DGKI: variants seen among roughly 807,000 people sequenced by gnomAD.
DGKI encodes diacylglycerol kinase iota.
DGKI carries 55 observed loss-of-function variants against 147.5 expected under a neutral mutation model. The ratio of observed to expected loss-of-function variants is 0.37; its 90% CI spans 0.30 to 0.47. The LOEUF is 0.47. Among genes scored for constraint, DGKI ranks in the 20% least tolerant of loss-of-function variants. DGKI has a pLI of 1.00. For missense variants in DGKI, 1,007 were observed against 1,323.8 expected (o/e 0.76, Z 3.71); for synonymous variants, 469 against 477.1 (o/e 0.98, Z 0.22).
chr7:137,647,044 C>T (rs1199762976), intron 5 of DGKI, among the ~76,000 whole-genome samples: 5 of 152,192 alleles, frequency 3.3e-5, no homozygotes, highest in Non-Finnish European at 7.3e-5. Flanking sequence ...GTTTGTCTCA[C>T]TTTTCCTACT....
intron 6 of DGKI, among the ~76,000 whole-genome samples, chr7:137,638,054 G>A (rs1008427161): frequency 6.6e-6 from 1 of 152,124 alleles, no homozygotes; most frequent in African/African-American, 2.4e-5. Flanking sequence ...TTAATAAAGA[G>A]ACAAACGGTA....
chr7:137,427,972 A>G (rs1300376310), intron 28 of DGKI, among the ~76,000 whole-genome samples: 1 of 151,132 alleles, frequency 6.6e-6, no homozygotes, highest in African/African-American at 2.4e-5. Flanking sequence ...TACCAGAGGT[A>G]CAAGGAGGAA....
At chr7:137,451,793 C>T (rs910226071) in intron 27 of DGKI, among the ~76,000 whole-genome samples, 4 of 152,126 alleles carry the variant, frequency 2.6e-5, no homozygotes, top group Non-Finnish European at 4.4e-5. Flanking sequence ...ATACAATATC[C>T]TTTTCATTTC....
At chr7:137,493,791 G>A in intron 21 of DGKI, 2 of 702,044 alleles carry the variant, frequency 2.8e-6, no homozygotes, top group Non-Finnish European at 5.2e-6. Context: ...ACCTCCAAAT[G>A]ACTGCACTAG....
At chr7:137,763,121 C>T (rs1795910234) in intron 1 of DGKI, among the ~76,000 whole-genome samples, 1 of 152,222 alleles carries the variant, frequency 6.6e-6, no homozygotes, top group African/African-American at 2.4e-5. Context: ...GTTAGGTACT[C>T]ATTCACTCAA....
chr7:137,614,765 G>A (rs895846004), intron 8 of DGKI, among the ~76,000 whole-genome samples: 19 of 151,954 alleles, frequency 1.3e-4, no homozygotes, highest in African/African-American at 3.4e-4. Context: ...TGAAATATGC[G>A]GTTTAATTCC....
intron 6 of DGKI, among the ~76,000 whole-genome samples, chr7:137,643,574 T>G (rs1210556805): frequency 6.6e-6 from 1 of 152,114 alleles, no homozygotes; most frequent in Non-Finnish European, 1.5e-5. Context: ...ACTATAATAG[T>G]GCAATATTTT....
At chr7:137,623,022 T>C (rs1365356464) in intron 7 of DGKI, among the ~76,000 whole-genome samples, 4 of 152,202 alleles carry the variant, frequency 2.6e-5, no homozygotes, top group African/African-American at 9.6e-5. Flanking sequence ...AAATAAAAAG[T>C]CATGCACATT....
intron 1 of DGKI, among the ~76,000 whole-genome samples, chr7:137,747,564 T>C (rs1434573893): frequency 6.6e-6 from 1 of 152,244 alleles, no homozygotes; most frequent in Non-Finnish European, 1.5e-5. Flanking sequence ...CCAAAAATTC[T>C]GTAACGGGGT....
At chr7:137,694,237 C>T (rs919995596) in intron 1 of DGKI, among the ~76,000 whole-genome samples, 4 of 151,340 alleles carry the variant, frequency 2.6e-5, no homozygotes, top group African/African-American at 9.7e-5. Context: ...AAGAGAATGG[C>T]ATGAACCCCA....
At chr7:137,564,161 G>GA (rs1180660788) in intron 19 of DGKI, among the ~76,000 whole-genome samples, 2 of 152,104 alleles carry the variant, frequency 1.3e-5, no homozygotes, top group Non-Finnish European at 2.9e-5. Context: ...AATAGTGCTG[G>GA]AAAAAGCTGG....
intron 21 of DGKI, among the ~76,000 whole-genome samples, chr7:137,518,128 C>A (rs1212644831): frequency 6.6e-6 from 1 of 152,030 alleles, no homozygotes; most frequent in Non-Finnish European, 1.5e-5. Context: ...CAGGGCCTCT[C>A]TAACAACAAC....
In DGKI at chr7:137,522,347, T is replaced by C. The variant is rs1380789756; in HGVS notation, c.2148-381A>G. On this transcript the variant is annotated intron_variant, in intron 20 of 32. Coordinates refer to ENST00000614521, the MANE Select transcript of DGKI (RefSeq NM_001321708.2). ...TAAGAACCACAGGCAGATATGCACA[T>C]CACAGTAAGACATGGTCAGGGGCAG... is the stretch of plus-strand genomic sequence containing the variant. Among the ~76,000 whole-genome samples the C allele has an allele frequency of 2.6e-5, 4 of 151,984 alleles. No individual in the cohort carries two copies. In the East Asian group the frequency reaches 7.7e-4, roughly 29 times the overall value.
intron 17 of DGKI, among the ~76,000 whole-genome samples, chr7:137,575,499 C>T (rs1447033192): frequency 6.6e-6 from 1 of 152,168 alleles, no homozygotes; most frequent in Non-Finnish European, 1.5e-5. Context: ...TGGCCACCAC[C>T]CAGCATGCAC....
chr7:137,485,520 C>G, intron 22 of DGKI, 102 bp from the exon 23 acceptor site: 1 of 874,492 alleles, frequency 1.1e-6, no homozygotes, highest in Non-Finnish European at 1.8e-6. Context: ...TATTACTATG[C>G]TCATCTGGAA....
chr7:137,577,102 A>C, intron 17 of DGKI, 120 bp downstream of exon 17: 1 of 744,112 alleles, frequency 1.3e-6, no homozygotes, highest in South Asian at 1.6e-5. Flanking sequence ...TGAACTACAC[A>C]AAATGATCTC....
At chr7:137,701,240 A>T (rs1388560801) in intron 1 of DGKI, among the ~76,000 whole-genome samples, 1 of 152,224 alleles carries the variant, frequency 6.6e-6, no homozygotes, top group Admixed American at 6.5e-5. Context: ...AACATCATAC[A>T]TAATGGTACA....
intron 1 of DGKI, among the ~76,000 whole-genome samples, chr7:137,838,348 A>C (rs904146087): frequency 1.3e-5 from 2 of 152,158 alleles, no homozygotes; most frequent in African/African-American, 4.8e-5. Flanking sequence ...ACTCTGACAC[A>C]TCCATAAGGA....
chr7:137,722,452 C>T (rs796738770), intron 1 of DGKI: 62 of 1,610,628 alleles, frequency 3.8e-5, no homozygotes, highest in South Asian at 2.6e-4. Context: ...CCTCACTGGA[C>T]GCCACAGGGG....
Sources: allele counts gnomAD v4.1 joint callset (sites outside exome capture counted in the v4.1 genomes callset), GRCh38; gene constraint gnomAD v4.1.1; transcripts MANE v1.5; gene names NCBI Gene and HGNC (gene_info 2026-07-23, HGNC 2026-07-21).